Variants in VPS13C observed in about 807,000 individuals in gnomAD.
VPS13C encodes the protein vacuolar protein sorting 13 homolog C, also known as intermembrane lipid transfer protein VPS13C.
Under a neutral mutation model 456.8 loss-of-function variants are expected in VPS13C, and 358 were observed. The ratio of observed to expected loss-of-function variants is 0.78; its 90% CI spans 0.72 to 0.86. VPS13C has a LOEUF of 0.86. Ranked by LOEUF, VPS13C falls within the 40% of genes least tolerant of loss-of-function variation. VPS13C has a pLI of 0.00. For missense variants in VPS13C, 4,818 were observed against 4,385.4 expected, an observed-to-expected ratio of 1.10 and a Z score of -2.79; for synonymous variants, 1,578 against 1,486.7, an observed-to-expected ratio of 1.06 and a Z score of -1.41.
intron 27 of VPS13C, among the ~76,000 whole-genome samples, chr15:61,970,926 A>G (rs566394277): frequency 4.3e-4 from 66 of 152,218 alleles, no homozygotes; most frequent in African/African-American, 1.5e-3. Flanking sequence ...GGAAATAGCA[A>G]GCACAAAGAA....
intron 6 of VPS13C, among the ~76,000 whole-genome samples, chr15:62,025,633 G>A (rs1012700817): frequency 1.3e-5 from 2 of 151,896 alleles, no homozygotes; most frequent in African/African-American, 4.8e-5. Flanking sequence ...TCATCTCAAT[G>A]GCAGATACAC....
intron 65 of VPS13C, among the ~76,000 whole-genome samples, chr15:61,908,788 G>A (rs998372646): frequency 6.6e-6 from 1 of 152,130 alleles, no homozygotes; most frequent in Admixed American, 6.5e-5. Flanking sequence ...CATTTGATGT[G>A]AATATTCATC....
chr15:61,935,449 C>A (rs1478480248), intron 48 of VPS13C: 1 of 152,202 alleles, frequency 6.6e-6, no homozygotes, highest in Non-Finnish European at 1.5e-5. Context: ...TAATTTTCAT[C>A]ATCTTTGCAG....
chr15:61,854,082 C>A lies in VPS13C; in HGVS notation c.*375G>T. On this transcript the variant is annotated 3_prime_UTR_variant, in exon 85 of 85. Coordinates refer to ENST00000644861, the MANE Select transcript of VPS13C (RefSeq NM_020821.3). ...CCCAAAAAAACAAAAATAAAAAAAC[C>A]TTTCAAAGAACACTAGTCATTCTAA... 5.5e-6 allele frequency: 1 copy of A among 183,050 alleles called. No individual in the cohort carries two copies. The highest frequency in any genetic ancestry group is 1.1e-5 in the Non-Finnish European group (1 of 88,032). 11.3% of individuals were successfully genotyped at this position (183,050 alleles called of 1,614,324 possible).
intron 9 of VPS13C, among the ~76,000 whole-genome samples, chr15:62,016,518 A>G (rs1371431648): frequency 6.8e-6 from 1 of 146,534 alleles, no homozygotes; most frequent in African/African-American, 2.5e-5. Context: ...GAGAACATGC[A>G]GTGTTTGGTT....
intron 47 of VPS13C, among the ~76,000 whole-genome samples, chr15:61,939,109 T>C (rs1212554863): frequency 6.6e-6 from 1 of 152,228 alleles, no homozygotes; most frequent in Non-Finnish European, 1.5e-5. Context: ...ACCAAAATTT[T>C]ATCCATGTTC....
At chr15:61,894,084 T>C (rs879807436) in intron 66 of VPS13C, among the ~76,000 whole-genome samples, 4 of 152,016 alleles carry the variant, frequency 2.6e-5, no homozygotes, top group Middle Eastern at 3.2e-3. Context: ...GGTGGGCGGA[T>C]TGTCTGAGGT....
At chr15:61,976,374 T>A (rs910671253) in intron 24 of VPS13C, among the ~76,000 whole-genome samples, 6 of 152,082 alleles carry the variant, frequency 3.9e-5, no homozygotes, top group Non-Finnish European at 8.8e-5. Context: ...GAATTAAAGA[T>A]GTTAAACAAA....
chr15:61,929,411 G>A (rs375332488), intron 51 of VPS13C, 90 bp downstream of exon 51: 586 of 1,471,192 alleles, frequency 4.0e-4, no homozygotes, highest in African/African-American at 8.2e-4. Context: ...CTAATTTTAC[G>A]TTCTTAAATT....
intron 27 of VPS13C, 60 bp from the exon 28 acceptor site, chr15:61,969,512 G>A (rs1345104460): frequency 4.0e-6 from 5 of 1,247,320 alleles, no homozygotes; most frequent in Non-Finnish European, 5.3e-6. Flanking sequence ...TTAAAATAAT[G>A]AAAACAAAAT....
chr15:62,002,703 G>GT (rs201120098), intron 15 of VPS13C, among the ~76,000 whole-genome samples: 87,219 of 150,826 alleles, frequency 0.58, 25,317 homozygotes, highest in Admixed American at 0.64. Flanking sequence ...TGTATAAGGT[G>GT]TAAGGAAGGG....
rs1440433950 is a variant in VPS13C, at chr15:62,010,494, G to T, written c.989C>A (p.Ala330Asp). 1.2e-6 allele frequency: 2 copies of T among 1,612,538 alleles called. No homozygotes were observed. The highest frequency in any genetic ancestry group is 1.7e-6 in the Non-Finnish European group (2 of 1,179,440). Reference sequence around the variant, plus strand: ...TACCTGAGGTTTGGTCAGTTCAATGGCAATATTTTGTATTTCTATGTTGCA... The same window carrying T: ...TACCTGAGGTTTGGTCAGTTCAATGTCAATATTTTGTATTTCTATGTTGCA... ...LDCNIEIQNI[A>D]IELTKPQYLS... Residue 330 changes from alanine (A) to aspartate (D), a missense_variant, in exon 13 of 85, where the codon GCC becomes GAC. By Grantham distance (126) the Ala-to-Asp change is moderately radical (BLOSUM62 -2). This residue lies in a region of VPS13C where 4,552 missense variants were observed against 4,130.6 expected (regional missense o/e 1.10). Transcript: ENST00000644861.
chr15:61,934,571 A>T (rs181737135), intron 48 of VPS13C, among the ~76,000 whole-genome samples: 3 of 151,716 alleles, frequency 2.0e-5, no homozygotes, highest in Admixed American at 6.6e-5. Flanking sequence ...ATGTTAAAAA[A>T]TTTTTTTTTA....
chr15:61,901,087 T>TA (rs1483543165), intron 66 of VPS13C, among the ~76,000 whole-genome samples: 1 of 151,430 alleles, frequency 6.6e-6, no homozygotes, highest in Admixed American at 6.6e-5. Flanking sequence ...ATCCCTTCCT[T>TA]ACACCTTATA....
intron 1 of VPS13C, among the ~76,000 whole-genome samples, chr15:62,048,523 T>C (rs2048506243): frequency 6.6e-6 from 1 of 152,190 alleles, no homozygotes. Context: ...CTTGGGTTGG[T>C]TCCAAGTCTT....
intron 18 of VPS13C, among the ~76,000 whole-genome samples, chr15:61,987,655 A>G (rs1339855849): frequency 6.6e-6 from 1 of 152,234 alleles, no homozygotes; most frequent in Admixed American, 6.5e-5. Context: ...TATAAACATC[A>G]TTAGTCATTA....
At chr15:61,895,025 T>C (rs1307527181) in intron 66 of VPS13C, among the ~76,000 whole-genome samples, 1 of 152,228 alleles carries the variant, frequency 6.6e-6, no homozygotes, top group Admixed American at 6.5e-5. Flanking sequence ...AAGTATCTTT[T>C]CTGTCCACAA....
intron 16 of VPS13C, among the ~76,000 whole-genome samples, chr15:61,995,959 G>A (rs963472592): frequency 4.6e-5 from 7 of 152,158 alleles, no homozygotes; most frequent in Non-Finnish European, 7.3e-5. Flanking sequence ...GCACAGCAGA[G>A]GAACATGGAG....
At chr15:61,919,174 T>C (rs144585210) in intron 58 of VPS13C, 115 bp downstream of exon 58, 1 of 1,029,158 alleles carries the variant, frequency 9.7e-7, no homozygotes, top group Non-Finnish European at 1.4e-6. Flanking sequence ...TTACTATTTA[T>C]TTCTGAATAA....
Sources: allele counts gnomAD v4.1 joint callset (sites outside exome capture counted in the v4.1 genomes callset), GRCh38; gene constraint gnomAD v4.1.1; regional missense constraint gnomAD v4.1.1; transcripts MANE v1.5; gene names NCBI Gene and HGNC (gene_info 2026-07-23, HGNC 2026-07-21).